LRRCC1: variants seen among roughly 807,000 people sequenced by gnomAD.
The protein encoded by LRRCC1 is leucine rich repeat and coiled-coil centrosomal protein 1, also known as leucine-rich repeat and coiled-coil domain-containing protein 1.
In LRRCC1, 115 loss-of-function variants were observed where a neutral mutation model predicts 126.0. The observed-to-expected ratio is 0.91, with a 90% CI of 0.78 to 1.07. The LOEUF is 1.07. Ranked by LOEUF, LRRCC1 falls within the 50% of genes least tolerant of loss-of-function variation. The pLI is 0.00. For missense variants in LRRCC1, 1,172 were observed against 1,175.7 expected (o/e 1.00, Z 0.05); for synonymous variants, 400 against 393.4 (o/e 1.02, Z -0.20).
chr8:85,132,693 G>T (rs181829667), intron 12 of LRRCC1, among the ~76,000 whole-genome samples: 136 of 152,116 alleles, frequency 8.9e-4, no homozygotes, highest in African/African-American at 3.1e-3. Context: ...GTGCCCAGCC[G>T]TAGTTGAGTA....
In LRRCC1 at chr8:85,107,309, C is replaced by CGGCGGTGGT; in HGVS notation, c.20_28dup (p.Val7_Ala9dup). On this transcript the variant is annotated inframe_insertion, in exon 1 of 19. Coordinates refer to ENST00000360375, the MANE Select transcript of LRRCC1 (RefSeq NM_033402.5). ...GTCGCCAGTGCTATGGAGGCGGCGG[C>CGGCGGTGGT]GGCGGTGGTGGCGGCAGAGGCGGAA... 6.2e-7 allele frequency: 1 copy of CGGCGGTGGT among 1,611,716 alleles called. No homozygotes were observed. Among genetic ancestry groups the CGGCGGTGGT allele is most frequent in the Non-Finnish European group, 8.5e-7 (1 of 1,179,218 alleles).
Position 85,107,272 on chromosome 8 carries a change from AC to A in LRRCC1, c.-20del. On this transcript the variant is annotated 5_prime_UTR_variant, in exon 1 of 19. Coordinates refer to ENST00000360375, the MANE Select transcript of LRRCC1 (RefSeq NM_033402.5). Reference sequence around the variant, plus strand: ...GACCCCTCGCTGGGTGCCGGTTAAGACCCCGCTCCCCGTCGCCAGTGCTATG... The same window carrying A: ...GACCCCTCGCTGGGTGCCGGTTAAGACCCGCTCCCCGTCGCCAGTGCTATG... The A allele has an allele frequency of 6.3e-6, 10 of 1,596,276 alleles. No homozygotes were observed. Among genetic ancestry groups the A allele is most frequent in the Non-Finnish European group, 8.5e-6 (10 of 1,171,218 alleles).
intron 18 of LRRCC1, among the ~76,000 whole-genome samples, chr8:85,143,122 C>T (rs960692105): frequency 7.9e-5 from 12 of 151,990 alleles, no homozygotes; most frequent in African/African-American, 2.7e-4. Flanking sequence ...GTTGGGAGTT[C>T]GAGACTAGCC....
intron 18 of LRRCC1, among the ~76,000 whole-genome samples, chr8:85,141,821 A>G (rs1177256678): frequency 6.6e-6 from 1 of 152,228 alleles, no homozygotes; most frequent in African/African-American, 2.4e-5. Context: ...TTGGTTACAC[A>G]TAGGCAGGGT....
At chr8:85,126,908 T>C in intron 9 of LRRCC1, 71 bp downstream of exon 9, 1 of 1,298,976 alleles carries the variant, frequency 7.7e-7, no homozygotes, top group Non-Finnish European at 1.0e-6. Context: ...CTGGAATACA[T>C]TAGTTTCAGT....
At chr8:85,144,510 TC>T (rs1407433803) in intron 18 of LRRCC1, among the ~76,000 whole-genome samples, 1 of 144,144 alleles carries the variant, frequency 6.9e-6, no homozygotes, top group Non-Finnish European at 1.5e-5. Flanking sequence ...TCACTCTTGT[TC>T]TGGCTGGAGT....
At chr8:85,125,670 CAA>C (rs71273921) in intron 8 of LRRCC1, among the ~76,000 whole-genome samples, 58 of 51,918 alleles carry the variant, frequency 1.1e-3, no homozygotes, top group East Asian at 6.8e-3. Context: ...GAGACTCCGT[CAA>C]AAAAAAAAAA....
chr8:85,140,387 C>A lies in LRRCC1; in HGVS notation c.2841-995C>A, dbSNP rs1345946090. 2.0e-5 allele frequency among the ~76,000 whole-genome samples: 3 copies of A among 152,168 alleles called. No individual in the cohort carries two copies. In the East Asian group the frequency reaches 5.8e-4, roughly 29 times the overall value. ...ACAGTCCTGTTTTATAGTTGAAAAA[C>A]TCAGCTTGTGACTTGCCACTAGTCA... is the stretch of plus-strand genomic sequence containing the variant. On this transcript the variant is annotated intron_variant, in intron 17 of 18. Transcript: ENST00000360375.
At chr8:85,139,791 A>G (rs1337107409) in intron 17 of LRRCC1, among the ~76,000 whole-genome samples, 1 of 152,250 alleles carries the variant, frequency 6.6e-6, no homozygotes, top group African/African-American at 2.4e-5. Flanking sequence ...CTATCTATGG[A>G]TAGCCCAAAA....
At chr8:85,129,466 C>G (rs1810277533) in intron 10 of LRRCC1, 87 bp downstream of exon 10, 1 of 1,162,048 alleles carries the variant, frequency 8.6e-7, no homozygotes, top group Non-Finnish European at 1.2e-6. Context: ...ACCTAGAAAA[C>G]CTAAAAGATG....
intron 1 of LRRCC1, 197 bp from the exon 2 acceptor site, chr8:85,109,398 T>C: frequency 1.8e-6 from 1 of 553,346 alleles, no homozygotes; most frequent in African/African-American, 1.9e-5. Flanking sequence ...CTTGTTTGTA[T>C]AAATAATCCA....
chr8:85,107,536 C>T (rs1348182744), intron 1 of LRRCC1, 137 bp downstream of exon 1: 3 of 683,490 alleles, frequency 4.4e-6, no homozygotes, highest in Middle Eastern at 4.2e-4. Flanking sequence ...GGCTTTCGGC[C>T]TCCCCGCTCC....
Position 85,134,912 on chromosome 8 carries a change from T to C in LRRCC1, c.2034T>C (p.Ala678=), listed in dbSNP as rs1275602411. 1 of 1,597,204 alleles carries C rather than the reference T, an allele frequency of 6.3e-7. No individual in the cohort carries two copies. Among genetic ancestry groups the C allele is most frequent in the Non-Finnish European group, 8.5e-7 (1 of 1,176,596 alleles). The change falls in exon 13 of 19, where the codon GCT becomes GCC. Residue 678 remains alanine, a synonymous_variant. Coordinates refer to ENST00000360375, the MANE Select transcript of LRRCC1 (RefSeq NM_033402.5). ...LAKSKHALIW[A]QRKENESSSL... is the part of the protein sequence containing the mutation. ...AGAGCAAACATGCTCTTATTTGGGC[T>C]CAACGAAAAGAAAATGAGTCTTCCT...
intron 9 of LRRCC1, among the ~76,000 whole-genome samples, 175 bp downstream of exon 9, chr8:85,127,012 A>G (rs894655799): frequency 1.3e-5 from 2 of 152,200 alleles, no homozygotes; most frequent in East Asian, 1.9e-4. Flanking sequence ...TATATCAACA[A>G]GAAATTCAGG....
intron 13 of LRRCC1, 102 bp downstream of exon 13, chr8:85,135,134 T>C: frequency 2.7e-6 from 2 of 753,340 alleles, no homozygotes; most frequent in Non-Finnish European, 4.0e-6. Context: ...TTTTAAATGA[T>C]ACTAATTATA....
chr8:85,131,419 G>A (rs1484294769), intron 11 of LRRCC1, among the ~76,000 whole-genome samples: 1 of 152,168 alleles, frequency 6.6e-6, no homozygotes, highest in Non-Finnish European at 1.5e-5. Context: ...TAATCAGACT[G>A]TATTTATTGC....
chr8:85,138,702 T>C (rs1811046094), intron 17 of LRRCC1, among the ~76,000 whole-genome samples: 1 of 152,208 alleles, frequency 6.6e-6, no homozygotes, highest in Non-Finnish European at 1.5e-5. Context: ...TGAATAGATG[T>C]GGCTTATATG....
chr8:85,140,726 A>T (rs1001145162), intron 17 of LRRCC1, among the ~76,000 whole-genome samples: 2 of 152,198 alleles, frequency 1.3e-5, no homozygotes, highest in Non-Finnish European at 2.9e-5. Context: ...GAAAACATGG[A>T]GAAAAAAGAT....
chr8:85,133,921 G>T (rs1219256599), intron 12 of LRRCC1, among the ~76,000 whole-genome samples: 1 of 152,050 alleles, frequency 6.6e-6, no homozygotes, highest in African/African-American at 2.4e-5. Flanking sequence ...ATTTTATTCA[G>T]AGTAGTGGTC....
Sources: allele counts gnomAD v4.1 joint callset (sites outside exome capture counted in the v4.1 genomes callset), GRCh38; gene constraint gnomAD v4.1.1; transcripts MANE v1.5; gene names NCBI Gene and HGNC (gene_info 2026-07-23, HGNC 2026-07-21).